Variants in CASK observed in about 807,000 individuals in gnomAD.
The protein encoded by CASK is peripheral plasma membrane protein CASK.
A neutral mutation model predicts 82.9 loss-of-function variants in CASK; 4 were observed. The observed-to-expected ratio is 0.05, with a 90% CI of 0.02 to 0.11. CASK has a LOEUF of 0.11. CASK is among the 10% of genes least tolerant of loss of function. CASK has a pLI of 1.00. For synonymous variants in CASK, 259 were observed against 253.5 expected, an observed-to-expected ratio of 1.02 and a Z score of -0.20; for missense variants, 358 against 720.9, an observed-to-expected ratio of 0.50 and a Z score of 5.76.
At chrX:41,777,281 CAGG>C (rs1197456325) in intron 3 of CASK, among the ~76,000 whole-genome samples, 3 of 110,483 alleles carry the variant, frequency 2.7e-5, no homozygotes, top group African/African-American at 9.9e-5. Flanking sequence ...CACTTGAGGT[CAGG>C]AGTTTGAGAC....
At chrX:41,696,352 A>C in intron 5 of CASK, 1 of 1,170,950 alleles carries the variant, frequency 8.5e-7, no homozygotes. Flanking sequence ...TCATATATTA[A>C]GATTGGGAAG....
chrX:41,814,553 G>T (rs1052799516), intron 2 of CASK, among the ~76,000 whole-genome samples: 2 of 102,175 alleles, frequency 2.0e-5, no homozygotes, highest in African/African-American at 7.2e-5. Context: ...AAAACACTTG[G>T]ACACAGGGTG....
intron 25 of CASK, among the ~76,000 whole-genome samples, chrX:41,527,715 G>A (rs2064735717): frequency 2.7e-5 from 3 of 112,162 alleles, no homozygotes; most frequent in South Asian, 7.3e-4. Flanking sequence ...GACCTCTTCC[G>A]CTGTGGGCAA....
chrX:41,569,452 T>C (rs1363797348), intron 16 of CASK, among the ~76,000 whole-genome samples: 1 of 111,614 alleles, frequency 9.0e-6, no homozygotes, highest in African/African-American at 3.3e-5. Context: ...AGATTCTTTA[T>C]ATGTATCCTT....
Position 41,520,381 on chromosome X carries a change from G to C in CASK, c.*39C>G, listed in dbSNP as rs988947914. 16 of 1,113,519 alleles carry C rather than the reference G, an allele frequency of 1.4e-5. No individual in the cohort carries two copies. In the Middle Eastern group the frequency reaches 1.3e-3, roughly 90 times the overall value. The allele number at this position is 1,113,519 out of a possible 1,213,427, so 91.8% of individuals were successfully genotyped here. A position where few individuals can be genotyped will look rare whatever the true frequency, so the allele number is the denominator to read the frequency against. ...ATAACAAAGAGGCTTTTCCACAAATGAGGTGCTCCCAGTTATGCTCAGATA... is the reference window on the plus strand; with the variant it reads ...ATAACAAAGAGGCTTTTCCACAAATCAGGTGCTCCCAGTTATGCTCAGATA... On this transcript the variant is annotated 3_prime_UTR_variant, in exon 27 of 27. Coordinates refer to ENST00000378163, the MANE Select transcript of CASK (RefSeq NM_001367721.1).
intron 5 of CASK, among the ~76,000 whole-genome samples, chrX:41,721,400 G>A (rs1354060356): frequency 9.0e-6 from 1 of 111,427 alleles, no homozygotes; most frequent in Non-Finnish European, 1.9e-5. Flanking sequence ...TACTGCCATT[G>A]TTGGAATAAT....
At chrX:41,693,379 C>T (rs765593006) in intron 5 of CASK, among the ~76,000 whole-genome samples, 2 of 111,266 alleles carry the variant, frequency 1.8e-5, no homozygotes, top group South Asian at 3.8e-4. Flanking sequence ...TTTGGGAGGC[C>T]GAAGTGGGCA....
rs1171007573 is a variant in CASK, at chrX:41,910,882, GT to G, written c.59+12047del. On this transcript the variant is annotated intron_variant, in intron 1 of 26. Transcript: ENST00000378163. Reference sequence around the variant, plus strand: ...CACATCCATAAGAGCAAAATGTTTTGTTTTTTTTAAAGCTTTGCCTATAATA... The same window carrying G: ...CACATCCATAAGAGCAAAATGTTTTGTTTTTTTAAAGCTTTGCCTATAATA... Among the ~76,000 whole-genome samples, 3 of 110,999 alleles carry G rather than the reference GT, an allele frequency of 2.7e-5. No homozygotes were observed. In the East Asian group the frequency reaches 8.4e-4, roughly 31 times the overall value.
At chrX:41,845,402 T>C (rs1377605385) in intron 2 of CASK, among the ~76,000 whole-genome samples, 3 of 112,153 alleles carry the variant, frequency 2.7e-5, no homozygotes, top group Non-Finnish European at 5.6e-5. Context: ...CTAAATCTTC[T>C]TGATGGATTA....
intron 12 of CASK, among the ~76,000 whole-genome samples, chrX:41,590,481 G>T (rs752431190): frequency 1.2e-5 from 1 of 85,954 alleles, no homozygotes; most frequent in Non-Finnish European, 2.1e-5. Flanking sequence ...TTGCACTCCA[G>T]CCTGGGCGAC....
intron 1 of CASK, among the ~76,000 whole-genome samples, chrX:41,890,725 TAATG>T (rs995159077): frequency 1.2e-4 from 13 of 111,480 alleles, no homozygotes; most frequent in African/African-American, 4.2e-4. Context: ...TGTAGAAACC[TAATG>T]AATGCCTGCT....
In CASK at chrX:41,611,779, G is replaced by A. The variant is rs775280205; in HGVS notation, c.1034-1754C>T. 8.1e-3 allele frequency among the ~76,000 whole-genome samples: 873 copies of A among 108,326 alleles called. 7 individuals are homozygous for A. Among genetic ancestry groups the A allele is most frequent in the African/African-American group, 0.028 (840 of 29,755 alleles). 94.1% of individuals were successfully genotyped at this position (108,326 alleles called of 115,157 possible). On this transcript the variant is annotated intron_variant, in intron 11 of 26. Transcript: ENST00000378163. ...AGCTGGACTGTACTGCTGCCAACTC[G>A]GCTCACTGCAACCTCCCTGCCTGAT...
intron 1 of CASK, among the ~76,000 whole-genome samples, chrX:41,901,572 C>T (rs760877520): frequency 9.8e-5 from 11 of 111,683 alleles, no homozygotes; most frequent in African/African-American, 3.3e-4. Flanking sequence ...ACCAGTCAGC[C>T]TGTCCAGAAA....
chrX:41,682,530 A>AG (rs1491424904), intron 5 of CASK, among the ~76,000 whole-genome samples: 2 of 22,539 alleles, frequency 8.9e-5, no homozygotes, highest in Non-Finnish European at 3.1e-4. Context: ...CTGTCTCAGG[A>AG]AAAAAAAAAA....
intron 2 of CASK, among the ~76,000 whole-genome samples, chrX:41,799,916 C>T (rs2069956605): frequency 9.3e-6 from 1 of 107,467 alleles, no homozygotes; most frequent in Non-Finnish European, 1.9e-5. Context: ...AGCTAGTAAA[C>T]ATTGGCAGAT....
intron 2 of CASK, among the ~76,000 whole-genome samples, chrX:41,815,644 G>C (rs1436595066): frequency 2.7e-5 from 3 of 110,845 alleles, no homozygotes; most frequent in Non-Finnish European, 3.8e-5. Context: ...CAATATAAAG[G>C]GGTCTAACAT....
At chrX:41,580,611 G>A (rs766036739) in intron 14 of CASK, among the ~76,000 whole-genome samples, 2 of 111,781 alleles carry the variant, frequency 1.8e-5, no homozygotes, top group Non-Finnish European at 3.8e-5. Context: ...GGTCATACTC[G>A]ATATTAACCA....
intron 12 of CASK, among the ~76,000 whole-genome samples, chrX:41,595,278 G>GA (rs1315483685): frequency 1.8e-5 from 2 of 111,942 alleles, no homozygotes; most frequent in Non-Finnish European, 3.8e-5. Flanking sequence ...TTTTAAGTCT[G>GA]ACTTACTTTA....
At chrX:41,768,627 G>C in intron 3 of CASK, among the ~76,000 whole-genome samples, 1 of 110,937 alleles carries the variant, frequency 9.0e-6, no homozygotes, top group Non-Finnish European at 1.9e-5. Context: ...GGCAGATTTG[G>C]GGAAAATATT....
Sources: gnomAD v4.1 joint callset for allele counts (sites outside exome capture counted in the v4.1 genomes callset) on GRCh38, gnomAD v4.1.1 for gene constraint, MANE v1.5 for transcripts, NCBI Gene and HGNC (gene_info 2026-07-23, HGNC 2026-07-21) for gene names.